The following WWOX variants were observed in gnomAD, a reference collection of about 807,000 sequenced individuals.
WWOX encodes WW domain-containing oxidoreductase.
In WWOX, 69 loss-of-function variants were observed where a neutral mutation model predicts 46.2. That is an observed-to-expected ratio of 1.49 (90% confidence interval 1.23 to 1.82). WWOX has a LOEUF of 1.82. Among genes scored for constraint, WWOX ranks in the 40% most tolerant of loss-of-function variants. WWOX has a pLI of 0.00. For missense variants in WWOX, 919 were observed against 542.6 expected (o/e 1.69, Z -6.89); for synonymous variants, 359 against 202.6 (o/e 1.77, Z -6.56).
At chr16:78,701,170 C>T (rs1214613461) in intron 8 of WWOX, among the ~76,000 whole-genome samples, 8 of 152,126 alleles carry the variant, frequency 5.3e-5, no homozygotes, top group Admixed American at 5.2e-4. Flanking sequence ...ATAACAGGAC[C>T]TGGCATGCAG....
chr16:78,372,997 T>G (rs1294900455), intron 5 of WWOX, among the ~76,000 whole-genome samples: 2 of 152,226 alleles, frequency 1.3e-5, no homozygotes, highest in African/African-American at 4.8e-5. Flanking sequence ...CAAAGACTTT[T>G]GCAGGCTTAT....
intron 5 of WWOX, among the ~76,000 whole-genome samples, chr16:78,171,239 A>G (rs1289034440): frequency 6.6e-6 from 1 of 152,130 alleles, no homozygotes; most frequent in Admixed American, 6.5e-5. Context: ...TTTTCATGGC[A>G]TGATATTAAG....
chr16:78,956,877 G>C (rs925838842), intron 8 of WWOX, among the ~76,000 whole-genome samples: 3 of 152,152 alleles, frequency 2.0e-5, no homozygotes, highest in East Asian at 1.9e-4. Context: ...ATGTAGGCTT[G>C]AGCCACTCAA....
chr16:78,909,564 TG>T (rs2045055760), intron 8 of WWOX, among the ~76,000 whole-genome samples: 1 of 152,222 alleles, frequency 6.6e-6, no homozygotes. Context: ...CTCTTTGGCC[TG>T]TGAGTGAAAC....
chr16:79,099,628 G>A (rs1207930021), intron 8 of WWOX, among the ~76,000 whole-genome samples: 1 of 151,446 alleles, frequency 6.6e-6, no homozygotes, highest in Non-Finnish European at 1.5e-5. Context: ...GAAATCTTTA[G>A]GAGTTTTAAA....
chr16:79,051,125 G>A (rs1242394879), intron 8 of WWOX, among the ~76,000 whole-genome samples: 3 of 152,124 alleles, frequency 2.0e-5, no homozygotes, highest in South Asian at 2.1e-4. Context: ...CCTACTCCTC[G>A]GGTTGTTTCA....
chr16:78,992,617 C>G lies in WWOX; in HGVS notation c.1057-218991C>G, dbSNP rs28614044. ...GAAAGGTTTGATTCGTACCAGCTCCCCATCCCTTCCCATGATCCCATCTTA... is the reference window on the plus strand; with the variant it reads ...GAAAGGTTTGATTCGTACCAGCTCCGCATCCCTTCCCATGATCCCATCTTA... On this transcript the variant is annotated intron_variant, in intron 8 of 8. Transcript: ENST00000566780. Among the ~76,000 whole-genome samples the G allele has an allele frequency of 3.3e-3, 506 of 152,270 alleles. 5 individuals carry two copies. The highest frequency in any genetic ancestry group is 0.011 in the African/African-American group (473 of 41,544).
chr16:78,836,741 G>T (rs2051995737), intron 8 of WWOX, among the ~76,000 whole-genome samples: 1 of 152,166 alleles, frequency 6.6e-6, no homozygotes, highest in South Asian at 2.1e-4. Flanking sequence ...GCAGAGATGA[G>T]GCTGGACCCC....
intron 8 of WWOX, among the ~76,000 whole-genome samples, chr16:78,919,287 G>A (rs903568006): frequency 6.6e-6 from 1 of 151,912 alleles, no homozygotes; most frequent in Admixed American, 6.6e-5. Context: ...AGATGGCTAA[G>A]CAGAGGCTCA....
At chr16:79,129,818 G>T (rs545822429) in intron 8 of WWOX, among the ~76,000 whole-genome samples, 19 of 152,298 alleles carry the variant, frequency 1.2e-4, no homozygotes, top group Middle Eastern at 3.4e-3. Flanking sequence ...TCATGGACCA[G>T]TCGAAGGAGG....
chr16:79,144,173 T>A (rs540013062), intron 8 of WWOX, among the ~76,000 whole-genome samples: 62 of 152,302 alleles, frequency 4.1e-4, no homozygotes, highest in African/African-American at 1.3e-3. Flanking sequence ...GTGTGGAGAT[T>A]ACAGGCATGA....
At chr16:78,680,986 C>T (rs1006033260) in intron 8 of WWOX, among the ~76,000 whole-genome samples, 5 of 152,176 alleles carry the variant, frequency 3.3e-5, no homozygotes, top group Middle Eastern at 3.4e-3. Context: ...TAGTGGCTCA[C>T]GCCTGTAATC....
At chr16:78,918,961 T>TG (rs1192283834) in intron 8 of WWOX, among the ~76,000 whole-genome samples, 15 of 152,140 alleles carry the variant, frequency 9.9e-5, no homozygotes, top group Non-Finnish European at 1.9e-4. Context: ...CCTTTCTGAT[T>TG]GGACCCAGGG....
intron 8 of WWOX, among the ~76,000 whole-genome samples, chr16:78,952,858 G>C (rs905494528): frequency 1.3e-5 from 2 of 152,202 alleles, no homozygotes; most frequent in African/African-American, 2.4e-5. Flanking sequence ...CTGCGCTTTA[G>C]AGGCACTTGC....
intron 5 of WWOX, among the ~76,000 whole-genome samples, chr16:78,365,561 G>A (rs951963333): frequency 5.3e-5 from 8 of 152,116 alleles, no homozygotes; most frequent in Non-Finnish European, 1.0e-4. Context: ...GTCCCCAGTA[G>A]GATTCTGGAA....
At chr16:79,140,986 T>G (rs535491100) in intron 8 of WWOX, among the ~76,000 whole-genome samples, 21 of 152,214 alleles carry the variant, frequency 1.4e-4, no homozygotes, top group Admixed American at 9.8e-4. Flanking sequence ...AGGAAGAATA[T>G]AGGCGTACGC....
chr16:78,167,690 A>T (rs139666536), intron 5 of WWOX: 19 of 152,274 alleles, frequency 1.2e-4, no homozygotes, highest in East Asian at 7.7e-4. Context: ...TGGAAACTCA[A>T]ATTTTGCACC....
intron 5 of WWOX, among the ~76,000 whole-genome samples, chr16:78,249,161 C>T (rs983512893): frequency 2.0e-5 from 3 of 152,076 alleles, no homozygotes; most frequent in African/African-American, 4.8e-5. Context: ...CGTCATGCCC[C>T]GTTTTATAGA....
At position 78,422,720 on chromosome 16, in the gene WWOX, CATAT is replaced by C. The variant is rs1160494046; in HGVS notation, c.606-2142_606-2139del. Among the ~76,000 whole-genome samples the C allele has an allele frequency of 4.2e-4, 40 of 95,886 alleles. 4 individuals carry two copies. Among genetic ancestry groups the C allele is most frequent in the African/African-American group, 1.8e-3 (38 of 20,840 alleles). 62.9% of individuals were successfully genotyped at this position (95,886 alleles called of 152,430 possible). Reference sequence around the variant, plus strand: ...ACACACATATATATATACACACACACATATATATATACACACACATATATATACA... The same window carrying C: ...ACACACATATATATATACACACACACATATATACACACACATATATATACA... On this transcript the variant is annotated intron_variant, in intron 6 of 8. Coordinates refer to ENST00000566780, the MANE Select transcript of WWOX (RefSeq NM_016373.4).
Sources: allele counts gnomAD v4.1 joint callset (sites outside exome capture counted in the v4.1 genomes callset), GRCh38; gene constraint gnomAD v4.1.1; transcripts MANE v1.5; gene names NCBI Gene and HGNC (gene_info 2026-07-23, HGNC 2026-07-21).